PABIR3: variants seen among roughly 807,000 people sequenced by gnomAD.
The protein encoded by PABIR3 is PABIR family member 1.
Under a neutral mutation model 23.1 loss-of-function variants are expected in PABIR3, and 20 were observed. The ratio of observed to expected loss-of-function variants is 0.86; its 90% CI spans 0.61 to 1.26. PABIR3 has a LOEUF of 1.26. Ranked by LOEUF, PABIR3 falls within the 50% of genes most tolerant of loss-of-function variation. The pLI, the probability that PABIR3 is intolerant of heterozygous loss-of-function variation, is 0.00. For synonymous variants in PABIR3, 69 were observed against 68.5 expected (o/e 1.01, Z -0.04); for missense variants, 189 against 195.4 (o/e 0.97, Z 0.20).
upstream of PABIR3, chrX:134,804,336 G>A (rs2148065020): frequency 4.0e-6 from 3 of 756,789 alleles, no homozygotes; most frequent in African/African-American, 2.1e-5. Context: ...TAGAATTCTT[G>A]CTGTTTTTGT....
chrX:134,818,986 G>A (rs1272097613), intron 3 of PABIR3, among the ~76,000 whole-genome samples: 1 of 98,109 alleles, frequency 1.0e-5, no homozygotes, highest in Non-Finnish European at 2.0e-5. Flanking sequence ...GCCCAGGCTG[G>A]AGTGCAGTGA....
intron 3 of PABIR3, among the ~76,000 whole-genome samples, 183 bp downstream of exon 3, chrX:134,815,032 A>T (rs1399944510): frequency 8.9e-6 from 1 of 111,932 alleles, no homozygotes; most frequent in East Asian, 2.8e-4. Flanking sequence ...TGCATTTCTA[A>T]CAAGTTCCCA....
chrX:134,849,164 TAGA>T lies in PABIR3; in HGVS notation c.531_533del (p.Arg177del), dbSNP rs770162075. The T allele has an allele frequency of 7.2e-6, 7 of 972,501 alleles. No homozygotes were observed. Among genetic ancestry groups the T allele is most frequent in the Non-Finnish European group, 7.9e-6 (6 of 762,630 alleles). 80.1% of individuals were successfully genotyped at this position (972,501 alleles called of 1,213,427 possible). A position where few individuals can be genotyped will look rare whatever the true frequency, so the allele number is the denominator to read the frequency against. ...TATAATGATCATGATGATTTTATTT[TAGA>T]AGAAGTCAAAATCCTACCAACATTA... is the stretch of plus-strand genomic sequence containing the variant. On this transcript the variant is annotated splice_acceptor_variant and coding_sequence_variant, in exon 9 of 11. Transcript: ENST00000645433. LOFTEE classifies it high-confidence loss of function.
At chrX:134,843,835 G>C (rs1214942058) in intron 4 of PABIR3, among the ~76,000 whole-genome samples, 1 of 109,355 alleles carries the variant, frequency 9.1e-6, no homozygotes. Flanking sequence ...CCAAAGTGCT[G>C]GGATTACAGG....
intron 2 of PABIR3, among the ~76,000 whole-genome samples, chrX:134,814,267 T>C (rs1392608531): frequency 1.8e-5 from 2 of 111,965 alleles, no homozygotes; most frequent in African/African-American, 6.5e-5. Flanking sequence ...AGTAAAGTAG[T>C]GTGCTTGAGA....
chrX:134,848,047 C>G (rs1229680820), intron 8 of PABIR3, 76 bp downstream of exon 8: 2 of 886,406 alleles, frequency 2.3e-6, no homozygotes, highest in African/African-American at 2.0e-5. Context: ...AATTATAGCT[C>G]CAAGTTTTGT....
At chrX:134,831,810 T>C (rs1473832670) in intron 4 of PABIR3, 1 of 111,655 alleles carries the variant, frequency 9.0e-6, no homozygotes, top group Non-Finnish European at 1.9e-5. Flanking sequence ...ATAGTCACCC[T>C]GTTGTGCTAG....
chrX:134,840,710 C>G (rs2082203020), intron 4 of PABIR3, among the ~76,000 whole-genome samples: 1 of 111,112 alleles, frequency 9.0e-6, no homozygotes, highest in East Asian at 2.8e-4. Context: ...TCTTTAAATT[C>G]AAACTGTTTG....
At chrX:134,805,428 G>T (rs1383419236), upstream of PABIR3, among the ~76,000 whole-genome samples, 4 of 112,061 alleles carry the variant, frequency 3.6e-5, no homozygotes, top group Non-Finnish European at 7.5e-5. Context: ...ATCTAATTCT[G>T]CCTAATATAC....
At chrX:134,811,261 T>A in intron 2 of PABIR3, 1 of 481,630 alleles carries the variant, frequency 2.1e-6, no homozygotes, top group Non-Finnish European at 2.6e-6. Flanking sequence ...TAACTATACT[T>A]AAAGCTAGGA....
At chrX:134,821,127 C>T (rs371372941) in intron 3 of PABIR3, among the ~76,000 whole-genome samples, 9 of 94,709 alleles carry the variant, frequency 9.5e-5, no homozygotes, top group Admixed American at 3.7e-4. Flanking sequence ...TGTATACATA[C>T]GTATATAGGT....
intron 3 of PABIR3, chrX:134,821,287 T>A (rs1349343402): frequency 1.8e-6 from 2 of 1,094,547 alleles, no homozygotes; most frequent in South Asian, 2.2e-5. Context: ...CACAATTATT[T>A]TGTTTAATTA....
chrX:134,798,471 AT>A (rs1290029316), intron 1 of PABIR3, among the ~76,000 whole-genome samples: 3 of 111,441 alleles, frequency 2.7e-5, no homozygotes, highest in African/African-American at 9.8e-5. Context: ...GTTTGTGTTC[AT>A]TGTTCTTCCC....
chrX:134,809,454 T>C (rs375821306), intron 2 of PABIR3: 144 of 747,729 alleles, frequency 1.9e-4, no homozygotes, highest in South Asian at 8.9e-4. Flanking sequence ...CGTGAGCCAC[T>C]GCGCCTGGCC....
chrX:134,805,510 T>G (rs1386115828), upstream of PABIR3, among the ~76,000 whole-genome samples: 4 of 112,140 alleles, frequency 3.6e-5, no homozygotes, highest in Non-Finnish European at 5.6e-5. Flanking sequence ...TCATAACTTG[T>G]CACGAACTAT....
intron 4 of PABIR3, among the ~76,000 whole-genome samples, chrX:134,840,286 C>A (rs2082179011): frequency 1.8e-5 from 2 of 110,339 alleles, no homozygotes; most frequent in Admixed American, 9.6e-5. Flanking sequence ...TATCTGCTGA[C>A]CTTCCCTCCA....
At position 134,838,538 on chromosome X, in the gene PABIR3, C is replaced by T. The variant is rs1170405928; in HGVS notation, c.247-6667C>T. Among the ~76,000 whole-genome samples the T allele has an allele frequency of 2.8e-5, 3 of 108,371 alleles. 1 individual carries two copies. Among genetic ancestry groups the T allele is most frequent in the Admixed American group, 9.8e-5 (1 of 10,159 alleles). 94.1% of individuals were successfully genotyped at this position (108,371 alleles called of 115,157 possible). A position where few individuals can be genotyped will look rare whatever the true frequency, so the allele number is the denominator to read the frequency against. On this transcript the variant is annotated intron_variant, in intron 4 of 10. Transcript: ENST00000645433. Reference sequence around the variant, plus strand: ...CAGGATGGTCTCGATCTCCTGACCTCGTGATCCAACCACCTCGGCCTCCCA... The same window carrying T: ...CAGGATGGTCTCGATCTCCTGACCTTGTGATCCAACCACCTCGGCCTCCCA...
intron 1 of PABIR3, among the ~76,000 whole-genome samples, chrX:134,799,156 G>A (rs920556707): frequency 4.5e-5 from 5 of 111,509 alleles, no homozygotes; most frequent in South Asian, 3.7e-4. Flanking sequence ...AAAGCCAAGC[G>A]TACAGAATTA....
intron 4 of PABIR3, among the ~76,000 whole-genome samples, chrX:134,830,325 CTTTTTTTTTTT>C (rs766717674): frequency 1.6e-5 from 1 of 62,549 alleles, no homozygotes; most frequent in Non-Finnish European, 2.8e-5. Context: ...GGTTTTTTTC[CTTTTTTTTTTT>C]TTTTTTTTTT....
Sources: allele counts gnomAD v4.1 joint callset (sites outside exome capture counted in the v4.1 genomes callset), GRCh38; gene constraint gnomAD v4.1.1; transcripts MANE v1.5; gene names NCBI Gene and HGNC (gene_info 2026-07-23, HGNC 2026-07-21).